HAX1: variants seen among roughly 807,000 people sequenced by gnomAD.
HAX1 encodes the protein HCLS1 associated protein X-1.
In HAX1, 27 loss-of-function variants were observed where a neutral mutation model predicts 31.1. That is an observed-to-expected ratio of 0.87 (90% CI 0.64 to 1.20). The LOEUF (loss-of-function observed/expected upper bound fraction) is 1.20, where lower values mean the gene tolerates loss of function less well. HAX1 is among the 50% of genes most tolerant of loss of function. HAX1 has a pLI of 0.00. For missense variants in HAX1, 357 were observed against 361.6 expected (o/e 0.99, Z 0.10); for synonymous variants, 114 against 124.1 (o/e 0.92, Z 0.54).
chr1:154,275,514 A>G (rs755228461), intron 6 of HAX1, 31 bp downstream of exon 6: 9 of 1,595,954 alleles, frequency 5.6e-6, no homozygotes, highest in Admixed American at 5.0e-5. Context: ...GTTCATCTCA[A>G]GATTCCTTGG....
In HAX1 at chr1:154,275,741, C is replaced by G. The variant is rs753065735; in HGVS notation, c.*40C>G. On this transcript the variant is annotated 3_prime_UTR_variant, in exon 7 of 7. Transcript: ENST00000328703. ...AGAGGCCTTCAAGTCCTTTCCACCTCTCACCCATTGCCCACCATTAATAAG... is the reference window on the plus strand; with the variant it reads ...AGAGGCCTTCAAGTCCTTTCCACCTGTCACCCATTGCCCACCATTAATAAG... The G allele has an allele frequency of 1.5e-6, 2 of 1,316,260 alleles. No individual in the cohort carries two copies. Among genetic ancestry groups the G allele is most frequent in the Non-Finnish European group, 2.2e-6 (2 of 909,064 alleles). The allele number at this position is 1,316,260 out of a possible 1,614,324, so 81.5% of individuals were successfully genotyped here.
rs1684867511 is a variant in HAX1 at position 154,273,510 on chromosome 1, C to T, written c.228C>T (p.His76=). Residue 76 remains histidine (H), a synonymous_variant, in exon 2 of 7, where the codon CAC becomes CAT. Coordinates refer to ENST00000328703, the MANE Select transcript of HAX1 (RefSeq NM_006118.4). ...SFSPGGGIRF[H]DNFGFDDLVR... Reference sequence around the variant, plus strand: ...GCCCAGGAGGAGGGATACGTTTCCACGATAACTTCGGCTTTGATGACCTAG... The same window carrying T: ...GCCCAGGAGGAGGGATACGTTTCCATGATAACTTCGGCTTTGATGACCTAG... The T allele has an allele frequency of 6.2e-7, 1 of 1,614,020 alleles. No homozygotes were observed. Among genetic ancestry groups the T allele is most frequent in the African/African-American group, 1.3e-5 (1 of 74,900 alleles).
At position 154,273,562 on chromosome 1, in the gene HAX1, G is replaced by T. The variant is rs566062196; in HGVS notation, c.280G>T (p.Asp94Tyr). Reference sequence around the variant, plus strand: ...ACGAGATTTCAATAGCATCTTCAGCGATATGGGGGCCTGGACCTTGCCTTC... The same window carrying T: ...ACGAGATTTCAATAGCATCTTCAGCTATATGGGGGCCTGGACCTTGCCTTC... ...LVRDFNSIFS[D>Y]MGAWTLPSHP... is the part of the protein sequence containing the mutation. The change falls in exon 2 of 7, where the codon GAT (aspartate) becomes TAT (tyrosine). Residue 94 changes from aspartate (D) to tyrosine (Y), a missense_variant. By Grantham distance (160) the Asp-to-Tyr change is radical (BLOSUM62 -3). Coordinates refer to ENST00000328703, the MANE Select transcript of HAX1 (RefSeq NM_006118.4). 6 of 1,614,176 alleles carry T rather than the reference G, an allele frequency of 3.7e-6. No homozygotes were observed. The East Asian group carries it at 8.9e-5, about 24-fold the overall frequency.
Position 154,275,419 on chromosome 1 carries a change from G to A in HAX1, c.690G>A (p.Val230=), listed in dbSNP as rs755284428. 2.0e-5 allele frequency: 33 copies of A among 1,613,978 alleles called. No homozygotes were observed. The highest frequency in any genetic ancestry group is 2.5e-5 in the Non-Finnish European group (30 of 1,179,984). Reference sequence around the variant, plus strand: ...TAGTGGAGGAGCGCCGGACTGTGGTGGACAGTGAGGGCCGGACAGAGACTA... The same window carrying A: ...TAGTGGAGGAGCGCCGGACTGTGGTAGACAGTGAGGGCCGGACAGAGACTA... ...DGIVEERRTV[V]DSEGRTETTV... The change falls in exon 6 of 7, where the codon GTG becomes GTA. Residue 230 remains valine (V), a synonymous_variant. Transcript: ENST00000328703.
Position 154,274,995 on chromosome 1 carries a change from G to A in HAX1, c.550G>A (p.Asp184Asn). The change falls in exon 4 of 7, where the codon GAC becomes AAC. Residue 184 changes from aspartate (D) to asparagine (N), a missense_variant. Transcript: ENST00000328703. ...GGACCCCCATCCTAGAACCAGAGAG[G>A]ACAATGGTAAGTCTGGAGGAAGGGG... ...PMDPHPRTRE[D>N]NDLDSQVSQE... 8 of 1,609,868 alleles carry A rather than the reference G, an allele frequency of 5.0e-6. No individual in the cohort carries two copies. The highest frequency in any genetic ancestry group is 6.8e-6 in the Non-Finnish European group (8 of 1,176,078).
rs1380402974 is a variant in HAX1, at chr1:154,272,694, GGGTTCAAA to G, written c.-24_-17del. The G allele has an allele frequency of 6.2e-7, 1 of 1,612,834 alleles. No individual in the cohort carries two copies. On this transcript the variant is annotated 5_prime_UTR_variant, in exon 1 of 7. Coordinates refer to ENST00000328703, the MANE Select transcript of HAX1 (RefSeq NM_006118.4). ...CCCGTCTGCGAATGGACCACTGGAGGGGTTCAAAGGTTCGCGTCCCAGTACGGGAATGA... is the reference window on the plus strand; with the variant it reads ...CCCGTCTGCGAATGGACCACTGGAGGGGTTCGCGTCCCAGTACGGGAATGA...
At position 154,274,778 on chromosome 1, in the gene HAX1, G is replaced by C. The variant is rs6666943; in HGVS notation, c.505-172G>C. ...ATATATCAGTTCAGGAAGTCTTTCT[G>C]GTAGAAGGATACATAAAACAGCCAG... On this transcript the variant is annotated intron_variant, in intron 3 of 6. Transcript: ENST00000328703. 0.062 allele frequency among the ~76,000 whole-genome samples: 9,500 copies of C among 152,206 alleles called. 1,003 individuals are homozygous for C. The highest frequency in any genetic ancestry group is 0.22 in the African/African-American group (8,982 of 41,488).
chr1:154,273,927 C>T lies in HAX1; in HGVS notation c.470C>T (p.Ala157Val). 1 of 1,614,126 alleles carries T rather than the reference C, an allele frequency of 6.2e-7. No homozygotes were observed. The highest frequency in any genetic ancestry group is 8.5e-7 in the Non-Finnish European group (1 of 1,180,002). ...SDARSESPQPAPDWGSQRPFH... is the reference protein window; with the variant it reads ...SDARSESPQPVPDWGSQRPFH... ...GCAAGAAGTGAATCCCCCCAACCAGCACCAGACTGGGGCTCCCAGAGGCCA... is the reference window on the plus strand; with the variant it reads ...GCAAGAAGTGAATCCCCCCAACCAGTACCAGACTGGGGCTCCCAGAGGCCA... Residue 157 changes from alanine to valine, a missense_variant, in exon 3 of 7, where the codon GCA (alanine) becomes GTA (valine). Coordinates refer to ENST00000328703, the MANE Select transcript of HAX1 (RefSeq NM_006118.4).
At position 154,273,915 on chromosome 1, in the gene HAX1, C is replaced by T; in HGVS notation, c.458C>T (p.Ser153Phe). 2 of 1,614,026 alleles carry T rather than the reference C, an allele frequency of 1.2e-6. No homozygotes were observed. The highest frequency in any genetic ancestry group is 1.7e-6 in the Non-Finnish European group (2 of 1,179,974). ...GVLESDARSE[S>F]PQPAPDWGSQ... ...TTGGAGAGTGATGCAAGAAGTGAATCCCCCCAACCAGCACCAGACTGGGGC... is the reference window on the plus strand; with the variant it reads ...TTGGAGAGTGATGCAAGAAGTGAATTCCCCCAACCAGCACCAGACTGGGGC... The change falls in exon 3 of 7, where the codon TCC becomes TTC. Residue 153 changes from serine to phenylalanine, a missense_variant. Transcript: ENST00000328703.
chr1:154,275,277 A>G lies in HAX1; in HGVS notation c.663+17A>G. The stretch of plus-strand genomic sequence containing the variant: ...CCAGATGGGGTGAGTTGAAAGAAAG[A>G]GGTAAAGGAAAGTATGGCCAGGGAA... On this transcript the variant is annotated intron_variant, in intron 5 of 6. Coordinates refer to ENST00000328703, the MANE Select transcript of HAX1 (RefSeq NM_006118.4). The G allele has an allele frequency of 1.3e-6, 2 of 1,583,136 alleles. No individual in the cohort carries two copies. The highest frequency in any genetic ancestry group is 1.7e-6 in the Non-Finnish European group (2 of 1,151,790).
chr1:154,275,699 T>TA lies in HAX1; in HGVS notation c.839dup (p.Ter280=). The change falls in exon 7 of 7, where the codon TAG becomes TAAG. Residue 280 remains the stop codon, a frameshift_variant and stop_retained_variant. Coordinates refer to ENST00000328703, the MANE Select transcript of HAX1 (RefSeq NM_006118.4). LOFTEE classifies it high-confidence loss of function. ...CCTGGGACGTTGGTTCCGGTCCCGG[T>TA]AGCCTTGTTAACCCTCAGAGGCCTT... ...LFLGRWFRSR[*] The TA allele has an allele frequency of 1.2e-6, 2 of 1,610,638 alleles. No individual in the cohort carries two copies. The highest frequency in any genetic ancestry group is 1.7e-6 in the Non-Finnish European group (2 of 1,176,864).
intron 4 of HAX1, 76 bp downstream of exon 4, chr1:154,275,077 G>T (rs754691156): frequency 6.9e-7 from 1 of 1,442,338 alleles, no homozygotes; most frequent in Non-Finnish European, 9.8e-7. Flanking sequence ...CCTCCCTGAA[G>T]TTTCTTCCTG....
intron 1 of HAX1, chr1:154,273,046 C>T (rs1684833212): frequency 1.7e-6 from 1 of 599,338 alleles, no homozygotes; most frequent in Non-Finnish European, 2.9e-6. Flanking sequence ...AGACAGTGAG[C>T]AAGTGAGCAG....
At chr1:154,273,727 G>A (rs780048656) in intron 2 of HAX1, 47 bp from the exon 3 acceptor site, 36 of 1,610,084 alleles carry the variant, frequency 2.2e-5, no homozygotes, top group Non-Finnish European at 2.9e-5. Flanking sequence ...GATTAATAGA[G>A]CCCAAGTCCT....
Position 154,272,662 on chromosome 1 carries a change from G to A in HAX1, c.-62G>A. On this transcript the variant is annotated 5_prime_UTR_variant, in exon 1 of 7. Transcript: ENST00000328703. ...GCTCAATTTCTCACAGGGCTGCGCA[G>A]GTTTCCCCCGTCTGCGAATGGACCA... is the stretch of plus-strand genomic sequence containing the variant. 6.5e-7 allele frequency: 1 copy of A among 1,541,762 alleles called. No individual in the cohort carries two copies. Among genetic ancestry groups the A allele is most frequent in the Non-Finnish European group, 9.0e-7 (1 of 1,115,140 alleles).
intron 1 of HAX1, chr1:154,272,980 C>A (rs1253916036): frequency 1.6e-6 from 1 of 633,774 alleles, no homozygotes; most frequent in Non-Finnish European, 2.8e-6. Context: ...CTTTCTCCAA[C>A]CTGGGGTGAT....
chr1:154,273,994 T>A, intron 3 of HAX1, 33 bp downstream of exon 3: 1 of 1,575,996 alleles, frequency 6.3e-7, no homozygotes, highest in Non-Finnish European at 8.7e-7. Flanking sequence ...AAGTGAGAGC[T>A]TGTGAGAGAC....
chr1:154,273,347 C>T lies in HAX1; in HGVS notation c.65C>T (p.Pro22Leu). The T allele has an allele frequency of 1.9e-6, 3 of 1,613,770 alleles. No individual in the cohort carries two copies. The highest frequency in any genetic ancestry group is 3.3e-5 in the Admixed American group (2 of 59,956). ...GCCTCCACTCTCAGCCACAGAGATC[C>T]CTTTTTTGGAGGGATGACTCGAGAT... ...GFPGPRSHRD[P>L]FFGGMTRDED... Residue 22 changes from proline (P) to leucine (L), a missense_variant, in exon 2 of 7, where the codon CCC (proline) becomes CTC (leucine). Pro to Leu is a moderately conservative substitution (Grantham distance 98). Coordinates refer to ENST00000328703, the MANE Select transcript of HAX1 (RefSeq NM_006118.4).
Position 154,272,662 on chromosome 1 carries a change from G to C in HAX1, c.-62G>C. 1.3e-6 allele frequency: 2 copies of C among 1,541,762 alleles called. No homozygotes were observed. The highest frequency in any genetic ancestry group is 9.0e-7 in the Non-Finnish European group (1 of 1,115,140). ...GCTCAATTTCTCACAGGGCTGCGCA[G>C]GTTTCCCCCGTCTGCGAATGGACCA... On this transcript the variant is annotated 5_prime_UTR_variant, in exon 1 of 7. Transcript: ENST00000328703.
Sources: gnomAD v4.1 joint callset for allele counts (sites outside exome capture counted in the v4.1 genomes callset) on GRCh38, gnomAD v4.1.1 for gene constraint, MANE v1.5 for transcripts, NCBI Gene and HGNC (gene_info 2026-07-23, HGNC 2026-07-21) for gene names.